The following DNAJC5B variants were observed in gnomAD, a reference collection of about 807,000 sequenced individuals.
The protein encoded by DNAJC5B is dnaJ homolog subfamily C member 5B.
A neutral mutation model predicts 24.7 loss-of-function variants in DNAJC5B; 23 were observed. The ratio of observed to expected loss-of-function variants is 0.93; its 90% CI spans 0.67 to 1.32. DNAJC5B has a LOEUF of 1.32. Ranked by LOEUF, DNAJC5B falls within the 40% of genes most tolerant of loss-of-function variation. The pLI, the probability that DNAJC5B is intolerant of heterozygous loss-of-function variation, is 0.00. For synonymous variants in DNAJC5B, 101 were observed against 90.1 expected (o/e 1.12, Z -0.68); for missense variants, 238 against 240.8 (o/e 0.99, Z 0.08).
intron 3 of DNAJC5B, among the ~76,000 whole-genome samples, chr8:66,052,579 C>T (rs891766561): frequency 2.0e-5 from 3 of 152,124 alleles, no homozygotes; most frequent in Non-Finnish European, 2.9e-5. Context: ...TCTTCTACAC[C>T]GAAGTCTAGA....
At chr8:66,032,514 A>G (rs1164358357) in intron 1 of DNAJC5B, among the ~76,000 whole-genome samples, 1 of 152,196 alleles carries the variant, frequency 6.6e-6, no homozygotes, top group East Asian at 1.9e-4. Flanking sequence ...GGAGGGAGGC[A>G]GTGACAGTGC....
At chr8:66,094,059 A>G (rs562742271) in intron 5 of DNAJC5B, among the ~76,000 whole-genome samples, 1 of 151,862 alleles carries the variant, frequency 6.6e-6, no homozygotes, top group South Asian at 2.1e-4. Context: ...CTTTTTTTTT[A>G]TGCAATACCA....
chr8:66,088,016 C>T (rs566396079), intron 5 of DNAJC5B, among the ~76,000 whole-genome samples: 2 of 152,356 alleles, frequency 1.3e-5, no homozygotes, highest in East Asian at 3.9e-4. Flanking sequence ...CCATATTTCC[C>T]TTCTGCATTG....
chr8:66,039,013 TGTGA>T (rs1806548059), intron 1 of DNAJC5B, among the ~76,000 whole-genome samples: 1 of 152,242 alleles, frequency 6.6e-6, no homozygotes, highest in East Asian at 1.9e-4. Context: ...ACACTAGAAC[TGTGA>T]GTTAGACTTT....
chr8:66,066,557 G>T (rs1236685170), intron 3 of DNAJC5B, among the ~76,000 whole-genome samples: 1 of 152,144 alleles, frequency 6.6e-6, no homozygotes, highest in Non-Finnish European at 1.5e-5. Flanking sequence ...CTATAAAAAA[G>T]AGAAAAATAA....
chr8:66,070,543 G>A (rs890324931), intron 3 of DNAJC5B, among the ~76,000 whole-genome samples: 3 of 152,012 alleles, frequency 2.0e-5, no homozygotes, highest in Non-Finnish European at 4.4e-5. Context: ...CACTGCTCAA[G>A]GAAATAAGAG....
chr8:66,040,387 TAAA>T (rs58867549), intron 1 of DNAJC5B, among the ~76,000 whole-genome samples: 15 of 147,180 alleles, frequency 1.0e-4, no homozygotes, highest in African/African-American at 3.7e-4. Flanking sequence ...AGACTCCATT[TAAA>T]AAAAAAAAAA....
chr8:66,046,776 G>C (rs953785389), intron 2 of DNAJC5B, among the ~76,000 whole-genome samples: 5 of 152,256 alleles, frequency 3.3e-5, no homozygotes, highest in Admixed American at 6.5e-5. Flanking sequence ...ACAGTGAAAG[G>C]CTGTCCAGTT....
intron 3 of DNAJC5B, among the ~76,000 whole-genome samples, chr8:66,069,688 A>G (rs1485902523): frequency 6.6e-6 from 1 of 152,264 alleles, no homozygotes; most frequent in Non-Finnish European, 1.5e-5. Context: ...AAAAAGAGGG[A>G]ATCCTCCCTA....
At chr8:66,093,330 T>C (rs574020112) in intron 5 of DNAJC5B, among the ~76,000 whole-genome samples, 93 of 152,282 alleles carry the variant, frequency 6.1e-4, no homozygotes, top group African/African-American at 2.2e-3. Context: ...TTCTGCAAAA[T>C]CATTGCACTA....
intron 5 of DNAJC5B, among the ~76,000 whole-genome samples, chr8:66,097,027 A>T (rs1481726975): frequency 2.6e-5 from 4 of 152,114 alleles, no homozygotes; most frequent in Middle Eastern, 3.2e-3. Context: ...TATTTGTAAA[A>T]TGGTTATAAT....
At chr8:66,067,065 A>G (rs1379291031) in intron 3 of DNAJC5B, among the ~76,000 whole-genome samples, 9 of 152,146 alleles carry the variant, frequency 5.9e-5, no homozygotes, top group Admixed American at 3.9e-4. Context: ...AGTTGAAAGA[A>G]GACAACGAAG....
At chr8:66,029,872 G>T (rs183539324) in intron 1 of DNAJC5B, among the ~76,000 whole-genome samples, 3 of 152,108 alleles carry the variant, frequency 2.0e-5, no homozygotes, top group African/African-American at 4.8e-5. Context: ...TGACAGTGAG[G>T]GTGGGGGTGG....
chr8:66,075,608 T>A (rs1807444579), intron 3 of DNAJC5B, among the ~76,000 whole-genome samples: 1 of 152,204 alleles, frequency 6.6e-6, no homozygotes, highest in Non-Finnish European at 1.5e-5. Context: ...AAAATAAGTT[T>A]TGGTTAAATA....
At chr8:66,082,138 A>G (rs1014022591) in intron 5 of DNAJC5B, among the ~76,000 whole-genome samples, 9 of 152,092 alleles carry the variant, frequency 5.9e-5, no homozygotes, top group Non-Finnish European at 1.3e-4. Flanking sequence ...TGCTGGCCCC[A>G]TAGACCATAG....
In DNAJC5B at chr8:66,066,675, G is replaced by A. The variant is rs568851070; in HGVS notation, c.120-9985G>A. 5.9e-5 allele frequency among the ~76,000 whole-genome samples: 9 copies of A among 152,144 alleles called. No homozygotes were observed. The South Asian group carries it at 1.7e-3, about 28-fold the overall frequency. The stretch of plus-strand genomic sequence containing the variant: ...CTGTCACTTATAAGCTAAGCTATGG[G>A]TACACAAAGGCATACAGGGTGACAT... On this transcript the variant is annotated intron_variant, in intron 3 of 5. Transcript: ENST00000276570.
chr8:66,090,901 C>G (rs1000516140), intron 5 of DNAJC5B, among the ~76,000 whole-genome samples: 2 of 152,166 alleles, frequency 1.3e-5, no homozygotes, highest in African/African-American at 4.8e-5. Context: ...ATGCTTGCAA[C>G]TAGTCAAGAA....
intron 3 of DNAJC5B, among the ~76,000 whole-genome samples, chr8:66,073,545 A>C (rs1807396806): frequency 6.6e-6 from 1 of 151,918 alleles, no homozygotes; most frequent in African/African-American, 2.4e-5. Flanking sequence ...TAATTCTAAA[A>C]TTCATGTGGA....
At chr8:66,022,891 A>T (rs1806169749) in intron 1 of DNAJC5B, among the ~76,000 whole-genome samples, 1 of 152,232 alleles carries the variant, frequency 6.6e-6, no homozygotes, top group African/African-American at 2.4e-5. Flanking sequence ...TCATTGGCCC[A>T]GTTTTTAGGC....
Sources: allele counts gnomAD v4.1 joint callset (sites outside exome capture counted in the v4.1 genomes callset), GRCh38; gene constraint gnomAD v4.1.1; transcripts MANE v1.5; gene names NCBI Gene and HGNC (gene_info 2026-07-23, HGNC 2026-07-21).